MDGA2: variants seen among roughly 807,000 people sequenced by gnomAD.
The protein encoded by MDGA2 is MAM domain containing glycosylphosphatidylinositol anchor 2.
A neutral mutation model predicts 117.8 loss-of-function variants in MDGA2; 40 were observed. The observed-to-expected ratio is 0.34, with a 90% CI of 0.26 to 0.44. The LOEUF is 0.44. Among genes scored for constraint, MDGA2 ranks in the 20% least tolerant of loss-of-function variants. MDGA2 has a pLI of 1.00. For missense variants in MDGA2, 1,123 were observed against 1,250.6 expected, an observed-to-expected ratio of 0.90 and a Z score of 1.54; for synonymous variants, 452 against 439.0, an observed-to-expected ratio of 1.03 and a Z score of -0.37.
At chr14:47,562,062 T>A (rs550001712) in intron 1 of MDGA2, among the ~76,000 whole-genome samples, 1 of 152,206 alleles carries the variant, frequency 6.6e-6, no homozygotes, top group East Asian at 1.9e-4. Flanking sequence ...CAACTTTGCA[T>A]CCCACGGATA....
At position 46,990,866 on chromosome 14, in the gene MDGA2, CCACACACACA is replaced by C. The variant is rs201132208; in HGVS notation, c.1820-33233_1820-33224del. On this transcript the variant is annotated intron_variant, in intron 8 of 16. Transcript: ENST00000399232. The stretch of plus-strand genomic sequence containing the variant: ...TATATGGATTAGAACACACACACAC[CCACACACACA>C]CACACACACACACACACACACACAC... Among the ~76,000 whole-genome samples, 13 of 140,880 alleles carry C rather than the reference CCACACACACA, an allele frequency of 9.2e-5. No individual in the cohort carries two copies. The East Asian group carries it at 1.2e-3, about 13-fold the overall frequency. The allele number at this position is 140,880 out of a possible 152,430, so 92.4% of individuals were successfully genotyped here. A position where few individuals can be genotyped will look rare whatever the true frequency, so the allele number is the denominator to read the frequency against.
intron 7 of MDGA2, among the ~76,000 whole-genome samples, chr14:47,036,809 G>A (rs1888871828): frequency 6.6e-6 from 1 of 152,280 alleles, no homozygotes; most frequent in African/African-American, 2.4e-5. Context: ...ATAAATTCAA[G>A]TTCAAAGTGA....
chr14:47,319,522 A>G (rs1889914755), intron 1 of MDGA2, among the ~76,000 whole-genome samples: 1 of 152,140 alleles, frequency 6.6e-6, no homozygotes, highest in Non-Finnish European at 1.5e-5. Context: ...CTAAACTCCA[A>G]CCTATAGAAA....
At chr14:47,023,196 C>CG in intron 8 of MDGA2, among the ~76,000 whole-genome samples, 1 of 73,402 alleles carries the variant, frequency 1.4e-5, no homozygotes, top group Non-Finnish European at 2.7e-5. Context: ...TATTCCCACT[C>CG]GTAAAAAAAA....
intron 2 of MDGA2, among the ~76,000 whole-genome samples, chr14:47,222,465 G>A (rs1220338845): frequency 1.3e-5 from 2 of 152,014 alleles, no homozygotes; most frequent in East Asian, 3.8e-4. Flanking sequence ...AATTAAAAAG[G>A]GAAGAATTTG....
intron 7 of MDGA2, among the ~76,000 whole-genome samples, chr14:47,054,036 T>C (rs1889573328): frequency 6.6e-6 from 1 of 152,060 alleles, no homozygotes; most frequent in South Asian, 2.1e-4. Flanking sequence ...GGCTTTTTCT[T>C]AAATTGACTT....
At chr14:47,243,009 C>G (rs969297742) in intron 2 of MDGA2, among the ~76,000 whole-genome samples, 1 of 151,716 alleles carries the variant, frequency 6.6e-6, no homozygotes, top group Non-Finnish European at 1.5e-5. Context: ...GTGCACCAGT[C>G]GACACTCTGT....
intron 1 of MDGA2, among the ~76,000 whole-genome samples, chr14:47,413,670 G>GTT (rs11422937): frequency 1.0e-3 from 148 of 144,954 alleles, no homozygotes; most frequent in Admixed American, 1.5e-3. Flanking sequence ...ATAGTTTTTG[G>GTT]TTTTTTTTTT....
Position 46,965,821 on chromosome 14 carries a change from A to AAAT in MDGA2, c.1820-8179_1820-8178insATT, listed in dbSNP as rs1886006300. On this transcript the variant is annotated intron_variant, in intron 8 of 16. Coordinates refer to ENST00000399232, the MANE Select transcript of MDGA2 (RefSeq NM_001113498.3). The stretch of plus-strand genomic sequence containing the variant: ...TGTGATAGAATCAGTTTTTTATGGC[A>AAAT]TAAAATTTATTCAGAATGTTTTTAT... Among the ~76,000 whole-genome samples, 3 of 152,338 alleles carry AAAT rather than the reference A, an allele frequency of 2.0e-5. No homozygotes were observed. In the South Asian group the frequency reaches 6.2e-4, roughly 32 times the overall value.
intron 2 of MDGA2, among the ~76,000 whole-genome samples, chr14:47,230,286 C>A (rs1482202989): frequency 6.6e-6 from 1 of 151,832 alleles, no homozygotes; most frequent in Admixed American, 6.6e-5. Context: ...TACAACAGCA[C>A]AATTATAGAA....
At chr14:46,904,321 G>A (rs999506832) in intron 10 of MDGA2, among the ~76,000 whole-genome samples, 20 of 146,552 alleles carry the variant, frequency 1.4e-4, no homozygotes, top group Non-Finnish European at 2.4e-4. Context: ...GCAGTGAGCC[G>A]AGATCATACC....
chr14:47,462,754 TA>T (rs1025793187), intron 1 of MDGA2, among the ~76,000 whole-genome samples: 10 of 151,916 alleles, frequency 6.6e-5, no homozygotes, highest in African/African-American at 4.8e-5. Context: ...AAATGGAGCA[TA>T]AAAAAACAAA....
rs78564381 is a variant in MDGA2 at position 47,275,657 on chromosome 14, A to G, written c.420+25754T>C. Among the ~76,000 whole-genome samples the G allele has an allele frequency of 8.5e-4, 129 of 152,268 alleles. 2 individuals carry two copies. The East Asian group carries it at 0.022, about 27-fold the overall frequency. ...ATGAAAAAAGGGGGAAACATTTAAT[A>G]ATATTGCTAACTATAGCACTCATGT... On this transcript the variant is annotated intron_variant, in intron 2 of 16. Coordinates refer to ENST00000399232, the MANE Select transcript of MDGA2 (RefSeq NM_001113498.3).
At chr14:47,242,238 T>G (rs996694719) in intron 2 of MDGA2, among the ~76,000 whole-genome samples, 31 of 151,952 alleles carry the variant, frequency 2.0e-4, no homozygotes, top group African/African-American at 7.2e-4. Flanking sequence ...TTGCCTTGCA[T>G]AGAGGATATT....
At chr14:47,400,758 C>CTTTTTT (rs570103742) in intron 1 of MDGA2, among the ~76,000 whole-genome samples, 268 of 66,134 alleles carry the variant, frequency 4.1e-3, no homozygotes, top group Non-Finnish European at 4.7e-3. Flanking sequence ...CTTTTCTTTT[C>CTTTTTT]TTTTTTTTTT....
chr14:47,312,459 T>C (rs1005030473), intron 1 of MDGA2, among the ~76,000 whole-genome samples: 4 of 152,084 alleles, frequency 2.6e-5, no homozygotes, highest in African/African-American at 9.7e-5. Flanking sequence ...AATAAACACC[T>C]CTTCTAAGAA....
chr14:47,663,053 G>A (rs1328309615), intron 1 of MDGA2, among the ~76,000 whole-genome samples: 1 of 152,146 alleles, frequency 6.6e-6, no homozygotes, highest in Non-Finnish European at 1.5e-5. Context: ...TTACTCAAAG[G>A]ATGAGAGAGA....
intron 1 of MDGA2, among the ~76,000 whole-genome samples, chr14:47,447,092 T>C (rs1594861046): frequency 6.6e-6 from 1 of 152,148 alleles, no homozygotes; most frequent in Non-Finnish European, 1.5e-5. Flanking sequence ...TGAAATATTT[T>C]CCTATTACTT....
intron 3 of MDGA2, among the ~76,000 whole-genome samples, chr14:47,173,182 G>A (rs988407680): frequency 2.6e-4 from 40 of 152,280 alleles, no homozygotes; most frequent in South Asian, 2.3e-3. Flanking sequence ...ATTGGTGTAC[G>A]TGAAAGTGAC....
Sources: gnomAD v4.1 joint callset for allele counts (sites outside exome capture counted in the v4.1 genomes callset) on GRCh38, gnomAD v4.1.1 for gene constraint, MANE v1.5 for transcripts, NCBI Gene and HGNC (gene_info 2026-07-23, HGNC 2026-07-21) for gene names.